Variants in ARFGEF1 observed in about 807,000 individuals in gnomAD.
The protein encoded by ARFGEF1 is brefeldin A-inhibited guanine nucleotide-exchange protein 1.
A neutral mutation model predicts 231.0 loss-of-function variants in ARFGEF1; 42 were observed. The observed-to-expected ratio is 0.18, with a 90% CI of 0.14 to 0.24. ARFGEF1 has a LOEUF of 0.24. ARFGEF1 is among the 10% of genes least tolerant of loss of function. The pLI is 1.00. For synonymous variants in ARFGEF1, 710 were observed against 732.3 expected (o/e 0.97, Z 0.49); for missense variants, 1,345 against 2,192.0 (o/e 0.61, Z 7.72).
intron 34 of ARFGEF1, among the ~76,000 whole-genome samples, chr8:67,207,715 A>G (rs979291799): frequency 1.3e-5 from 2 of 152,230 alleles, no homozygotes; most frequent in Admixed American, 6.5e-5. Flanking sequence ...TTGGAGAGTC[A>G]GATGCAGCGG....
At chr8:67,334,738 G>A (rs1808264442) in intron 1 of ARFGEF1, among the ~76,000 whole-genome samples, 1 of 152,282 alleles carries the variant, frequency 6.6e-6, no homozygotes, top group Admixed American at 6.5e-5. Flanking sequence ...AAAAGGAAAT[G>A]AAGTGTGGAT....
At chr8:67,340,734 A>G (rs2128939740) in intron 1 of ARFGEF1, among the ~76,000 whole-genome samples, 1 of 152,350 alleles carries the variant, frequency 6.6e-6, no homozygotes, top group Admixed American at 6.5e-5. Context: ...CATACATCTC[A>G]AGTAAATAAA....
chr8:67,209,370 A>G (rs757275263), intron 34 of ARFGEF1, among the ~76,000 whole-genome samples: 3 of 152,238 alleles, frequency 2.0e-5, no homozygotes, highest in Non-Finnish European at 2.9e-5. Flanking sequence ...AAATATGCAG[A>G]ATAGGCAATT....
intron 34 of ARFGEF1, among the ~76,000 whole-genome samples, chr8:67,210,541 C>A (rs1034222917): frequency 1.3e-5 from 2 of 152,122 alleles, no homozygotes; most frequent in Admixed American, 1.3e-4. Context: ...AACGGTCCTT[C>A]ACTACTTCCC....
Position 67,198,848 on chromosome 8 carries a change from A to G in ARFGEF1, c.*86T>C. ...AACTCAGACACTGCAATCCAGAGAA[A>G]TCATTTTTCAGGTAGGAAACCTCAG... On this transcript the variant is annotated 3_prime_UTR_variant, in exon 39 of 39. Transcript: ENST00000262215. 6.4e-7 allele frequency: 1 copy of G among 1,551,626 alleles called. No individual in the cohort carries two copies. The highest frequency in any genetic ancestry group is 8.7e-7 in the Non-Finnish European group (1 of 1,155,924).
Position 67,287,964 on chromosome 8 carries a change from C to A in ARFGEF1, c.1018G>T (p.Val340Phe). Residue 340 changes from valine to phenylalanine, a missense_variant, in exon 7 of 39, where the codon GTT (valine) becomes TTT (phenylalanine). Coordinates refer to ENST00000262215, the MANE Select transcript of ARFGEF1 (RefSeq NM_006421.5). ...GAATGAAGTATACTACCTCCAACAA[C>A]AATGTTCACCATTTCTTCTACAATG... Reference protein sequence around the residue: ...QNIVEEMVNIVVGDMGEGTTI... With the variant: ...QNIVEEMVNIFVGDMGEGTTI... The A allele has an allele frequency of 6.3e-7, 1 of 1,581,954 alleles. No homozygotes were observed. Among genetic ancestry groups the A allele is most frequent in the Non-Finnish European group, 8.6e-7 (1 of 1,168,844 alleles).
chr8:67,329,395 G>A (rs1024806722), intron 1 of ARFGEF1, among the ~76,000 whole-genome samples: 15 of 151,764 alleles, frequency 9.9e-5, no homozygotes, highest in African/African-American at 3.6e-4. Flanking sequence ...CAGGCGTGGT[G>A]GCAGGTGCCT....
chr8:67,279,259 T>C (rs980689101), intron 7 of ARFGEF1, among the ~76,000 whole-genome samples: 3 of 152,206 alleles, frequency 2.0e-5, no homozygotes, highest in Admixed American at 6.5e-5. Flanking sequence ...TCTCTTCCTA[T>C]GATTCTCTCC....
chr8:67,238,898 A>C lies in ARFGEF1; in HGVS notation c.2980-5T>G, dbSNP rs1470915810. On this transcript the variant is annotated splice_region_variant and splice_polypyrimidine_tract_variant and intron_variant, in intron 20 of 38. Transcript: ENST00000262215. Reference sequence around the variant, plus strand: ...GACATATGCATCTCTCTCCAGCTATAAAAAAGAGAAAAGTATGTTTACACA... The same window carrying C: ...GACATATGCATCTCTCTCCAGCTATCAAAAAGAGAAAAGTATGTTTACACA... The C allele has an allele frequency of 3.1e-6, 5 of 1,611,652 alleles. No homozygotes were observed. In the East Asian group the frequency reaches 1.1e-4, roughly 36 times the overall value.
At chr8:67,204,940 G>A in intron 34 of ARFGEF1, 121 bp from the exon 35 acceptor site, 1 of 1,197,472 alleles carries the variant, frequency 8.4e-7, no homozygotes, top group Non-Finnish European at 1.2e-6. Context: ...ACACTGAGAA[G>A]GACATACTGC....
chr8:67,257,376 TG>T (rs1383357556), intron 17 of ARFGEF1, among the ~76,000 whole-genome samples: 4 of 152,282 alleles, frequency 2.6e-5, no homozygotes, highest in African/African-American at 9.6e-5. Flanking sequence ...GTACCACGCC[TG>T]GCCTGAAACA....
chr8:67,314,129 G>T (rs1334706641), intron 1 of ARFGEF1, among the ~76,000 whole-genome samples: 3 of 152,166 alleles, frequency 2.0e-5, no homozygotes, highest in Non-Finnish European at 4.4e-5. Context: ...CCCTGCAACA[G>T]CCCCAAGTCT....
chr8:67,239,041 C>A, intron 20 of ARFGEF1, 148 bp from the exon 21 acceptor site: 1 of 623,148 alleles, frequency 1.6e-6, no homozygotes, highest in Non-Finnish European at 2.4e-6. Flanking sequence ...GAGTCTCACC[C>A]TGTCGCCCAG....
chr8:67,200,961 G>T (rs1311112708), intron 37 of ARFGEF1, among the ~76,000 whole-genome samples: 3 of 152,208 alleles, frequency 2.0e-5, no homozygotes, highest in Non-Finnish European at 4.4e-5. Context: ...ATTCTAAAAT[G>T]TATTTAATTG....
chr8:67,197,879 A>G lies in ARFGEF1; in HGVS notation c.*1055T>C. The G allele has an allele frequency of 2.0e-6, 2 of 985,906 alleles. No homozygotes were observed. Among genetic ancestry groups the G allele is most frequent in the Non-Finnish European group, 2.4e-6 (2 of 829,932 alleles). The allele number at this position is 985,906 out of a possible 1,614,324, so 61.1% of individuals were successfully genotyped here. A position where few individuals can be genotyped will look rare whatever the true frequency, so the allele number is the denominator to read the frequency against. ...CTTGTCTTTTAACCATCAGAGCACA[A>G]TTCACAGTATGAATACATTTCCAGT... is the stretch of plus-strand genomic sequence containing the variant. On this transcript the variant is annotated 3_prime_UTR_variant, in exon 39 of 39. Coordinates refer to ENST00000262215, the MANE Select transcript of ARFGEF1 (RefSeq NM_006421.5).
intron 9 of ARFGEF1, among the ~76,000 whole-genome samples, chr8:67,272,941 G>A (rs1805156960): frequency 6.6e-6 from 1 of 151,720 alleles, no homozygotes; most frequent in Admixed American, 6.6e-5. Context: ...AACCCTGTCT[G>A]TACTAAAAAT....
chr8:67,325,991 G>A (rs1225281388), intron 1 of ARFGEF1, among the ~76,000 whole-genome samples: 3 of 152,138 alleles, frequency 2.0e-5, no homozygotes, highest in African/African-American at 4.8e-5. Flanking sequence ...TTGAGGTCAG[G>A]AGTTCAAGAC....
intron 18 of ARFGEF1, among the ~76,000 whole-genome samples, chr8:67,252,371 C>T (rs1056174274): frequency 1.4e-5 from 2 of 141,968 alleles, no homozygotes; most frequent in African/African-American, 5.2e-5. Context: ...AACAAGAAAA[C>T]AACTGGCCAT....
At chr8:67,287,277 C>G (rs1350549981) in intron 7 of ARFGEF1, among the ~76,000 whole-genome samples, 1 of 152,142 alleles carries the variant, frequency 6.6e-6, no homozygotes, top group Non-Finnish European at 1.5e-5. Flanking sequence ...TACATAACAG[C>G]CCCCAGTAAA....
Sources: allele counts gnomAD v4.1 joint callset (sites outside exome capture counted in the v4.1 genomes callset), GRCh38; gene constraint gnomAD v4.1.1; transcripts MANE v1.5; gene names NCBI Gene and HGNC (gene_info 2026-07-23, HGNC 2026-07-21).